The following ANXA7 variants were observed in gnomAD, a reference collection of about 807,000 sequenced individuals.
The protein encoded by ANXA7 is annexin VII.
A neutral mutation model predicts 64.9 loss-of-function variants in ANXA7; 55 were observed. The observed-to-expected ratio is 0.85, with a 90% confidence interval of 0.68 to 1.06. ANXA7 has a LOEUF of 1.06. Ranked by LOEUF, ANXA7 falls within the 50% of genes least tolerant of loss-of-function variation. The pLI, the probability that ANXA7 is intolerant of heterozygous loss-of-function variation, is 0.00. For missense variants in ANXA7, 548 were observed against 582.1 expected (o/e 0.94, Z 0.60); for synonymous variants, 200 against 192.4 (o/e 1.04, Z -0.33).
At chr10:73,378,852 TAAGAAATCAACATTGAACATC>T (rs1269979726) in intron 12 of ANXA7, 38 bp downstream of exon 12, 2 of 1,342,390 alleles carry the variant, frequency 1.5e-6, no homozygotes, top group Non-Finnish European at 2.1e-6. Context: ...GGGGAACTTT[TAAGAAATCAACATTGAACATC>T]AAGTAAGACC....
At chr10:73,384,115 C>T (rs1463259057) in intron 7 of ANXA7, among the ~76,000 whole-genome samples, 3 of 148,798 alleles carry the variant, frequency 2.0e-5, no homozygotes, top group Admixed American at 1.3e-4. Flanking sequence ...AGCAAGACTC[C>T]GTCTCAAAAA....
chr10:73,401,670 TTTG>T (rs1201035824), intron 1 of ANXA7, among the ~76,000 whole-genome samples: 2 of 152,146 alleles, frequency 1.3e-5, no homozygotes, highest in Non-Finnish European at 2.9e-5. Flanking sequence ...CGGCTAATTT[TTTG>T]TTATTTTTAG....
At chr10:73,377,634 G>C (rs2055195073) in intron 12 of ANXA7, 1 of 127,462 alleles carries the variant, frequency 7.8e-6, no homozygotes, top group African/African-American at 2.9e-5. Flanking sequence ...GTATTTTTTT[G>C]ACACAGGGTC....
At chr10:73,404,123 A>C (rs2055715628) in intron 1 of ANXA7, among the ~76,000 whole-genome samples, 1 of 152,226 alleles carries the variant, frequency 6.6e-6, no homozygotes, top group Admixed American at 6.5e-5. Context: ...CAATTTTATT[A>C]GACTTAGAAT....
intron 12 of ANXA7, among the ~76,000 whole-genome samples, chr10:73,378,151 G>T (rs2055215271): frequency 6.6e-6 from 1 of 151,672 alleles, no homozygotes; most frequent in Admixed American, 6.6e-5. Flanking sequence ...GAGGCAGGTG[G>T]ATCACTTGAG....
chr10:73,412,548 T>C (rs1317930806), intron 1 of ANXA7, among the ~76,000 whole-genome samples: 1 of 149,108 alleles, frequency 6.7e-6, no homozygotes, highest in Non-Finnish European at 1.5e-5. Flanking sequence ...CAGGCTGGAG[T>C]GCAGTGGCGA....
intron 11 of ANXA7, among the ~76,000 whole-genome samples, chr10:73,379,270 C>A (rs1015816723): frequency 6.6e-6 from 1 of 152,074 alleles, no homozygotes; most frequent in Admixed American, 6.5e-5. Flanking sequence ...CTCAGGTGAT[C>A]CTCCCACCTC....
chr10:73,404,535 G>T (rs2055721999), intron 1 of ANXA7, among the ~76,000 whole-genome samples: 1 of 152,138 alleles, frequency 6.6e-6, no homozygotes, highest in East Asian at 1.9e-4. Context: ...ATAATATGCA[G>T]GAATATTCTA....
Position 73,394,670 on chromosome 10 carries a change from T to G in ANXA7, c.435+1849A>C, listed in dbSNP as rs578095139. 8.1e-4 allele frequency among the ~76,000 whole-genome samples: 123 copies of G among 152,010 alleles called. 1 individual carries two copies. The highest frequency in any genetic ancestry group is 2.9e-3 in the African/African-American group (121 of 41,452). ...GTGGGAACTGAACAATGAGAACACT[T>G]GGACACAGGATGGGGAACATCACAC... On this transcript the variant is annotated intron_variant, in intron 5 of 12. Coordinates refer to ENST00000372921, the MANE Select transcript of ANXA7 (RefSeq NM_001156.5).
rs779847375 is a variant in ANXA7, at chr10:73,376,156, A to G, written c.1340T>C (p.Met447Thr). 6.8e-6 allele frequency: 11 copies of G among 1,609,836 alleles called. No homozygotes were observed. Among genetic ancestry groups the G allele is most frequent in the Non-Finnish European group, 9.3e-6 (11 of 1,178,096 alleles). Reference sequence around the variant, plus strand: ...ATCTCCACTCGTGTCACCTGCAATCATTGTGCCCAGAGTCTTCTGATACAT... The same window carrying G: ...ATCTCCACTCGTGTCACCTGCAATCGTTGTGCCCAGAGTCTTCTGATACAT... ...AQMYQKTLGT[M>T]IAGDTSGDYR... Residue 447 changes from methionine to threonine, a missense_variant, in exon 13 of 13, where the codon ATG becomes ACG. By Grantham distance (81) the Met-to-Thr change is moderately conservative. Transcript: ENST00000372921.
chr10:73,398,226 A>G lies in ANXA7; in HGVS notation c.214T>C (p.Tyr72His), dbSNP rs758619352. The change falls in exon 3 of 13, where the codon TAT becomes CAT. Residue 72 changes from tyrosine (Y) to histidine (H), a missense_variant. Coordinates refer to ENST00000372921, the MANE Select transcript of ANXA7 (RefSeq NM_001156.5). ...APGGYPAPGG[Y>H]PGAPQPGGAP... is the part of the protein sequence containing the mutation. ...CCCCCTGGCTGTGGGGCACCAGGAT[A>G]GCCTCCAGGGGCTGGATAACCTCCA... 1.9e-6 allele frequency: 3 copies of G among 1,613,934 alleles called. No individual in the cohort carries two copies. The highest frequency in any genetic ancestry group is 2.2e-5 in the East Asian group (1 of 44,882).
chr10:73,398,285 C>T lies in ANXA7; in HGVS notation c.155G>A (p.Ser52Asn). Residue 52 changes from serine to asparagine, a missense_variant, in exon 3 of 13, where the codon AGT becomes AAT. Physicochemically the swap from Ser to Asn is conservative, Grantham distance 46. Coordinates refer to ENST00000372921, the MANE Select transcript of ANXA7 (RefSeq NM_001156.5). ...GGGAYPQVPSSGYPGAGGYPA... is the reference protein window; with the variant it reads ...GGGAYPQVPSNGYPGAGGYPA... ...GTAGCCTCCAGCTCCTGGGTAGCCA[C>T]TACTTGGCACTTGTGGGTAGGCACC... 6.2e-7 allele frequency: 1 copy of T among 1,614,132 alleles called. No homozygotes were observed. The highest frequency in any genetic ancestry group is 8.5e-7 in the Non-Finnish European group (1 of 1,180,028).
intron 1 of ANXA7, among the ~76,000 whole-genome samples, chr10:73,410,781 C>CAAAAAAAA (rs536548150): frequency 1.7e-5 from 1 of 59,416 alleles, no homozygotes; most frequent in Non-Finnish European, 4.1e-5. Context: ...GACTCCATCT[C>CAAAAAAAA]AAAAAAAAAA....
Position 73,388,292 on chromosome 10 carries a change from C to T in ANXA7, c.538+20G>A, listed in dbSNP as rs778332281. The T allele has an allele frequency of 6.3e-7, 1 of 1,582,788 alleles. No individual in the cohort carries two copies. Among genetic ancestry groups the T allele is most frequent in the South Asian group, 1.1e-5 (1 of 90,302 alleles). On this transcript the variant is annotated intron_variant, in intron 6 of 12. Transcript: ENST00000372921. ...GATTACTTTAACTTATTAAAAAAGA[C>T]AAAAATTTGTTTTCCTTACCAAAAC... is the stretch of plus-strand genomic sequence containing the variant.
chr10:73,392,882 T>A (rs368575478), intron 5 of ANXA7, among the ~76,000 whole-genome samples: 1 of 152,072 alleles, frequency 6.6e-6, no homozygotes, highest in East Asian at 1.9e-4. Context: ...AAATAAAGGG[T>A]ATTCAATTAG....
rs778692902 is a variant in ANXA7 at position 73,383,272 on chromosome 10, A to T, written c.821T>A (p.Val274Asp). The T allele has an allele frequency of 6.2e-7, 1 of 1,614,136 alleles. No homozygotes were observed. Among genetic ancestry groups the T allele is most frequent in the Non-Finnish European group, 8.5e-7 (1 of 1,180,008 alleles). ...TCCAAATTCTGACTGATAACATCTGACAATTTCTCGGATTTCCTGATTTGT... is the reference window on the plus strand; with the variant it reads ...TCCAAATTCTGACTGATAACATCTGTCAATTTCTCGGATTTCCTGATTTGT... The part of the protein sequence containing the change: ...TRTNQEIREI[V>D]RCYQSEFGRD... Residue 274 changes from valine to aspartate, a missense_variant, in exon 9 of 13, where the codon GTC becomes GAC. Physicochemically the swap from Val to Asp is radical, Grantham distance 152. Transcript: ENST00000372921.
At chr10:73,395,783 T>C (rs1470641974) in intron 5 of ANXA7, 4 of 500,942 alleles carry the variant, frequency 8.0e-6, no homozygotes, top group South Asian at 1.7e-5. Context: ...TGAAACTCCA[T>C]CTCAAAAAAA....
At chr10:73,400,914 GTTTT>G in intron 1 of ANXA7, 57 bp from the exon 2 acceptor site, 3 of 1,499,760 alleles carry the variant, frequency 2.0e-6, no homozygotes, top group Non-Finnish European at 2.7e-6. Flanking sequence ...GTTTTGTTTT[GTTTT>G]GTTTTTTGAG....
chr10:73,385,389 AC>A (rs766140231), intron 7 of ANXA7, among the ~76,000 whole-genome samples: 19 of 152,230 alleles, frequency 1.2e-4, no homozygotes, highest in Non-Finnish European at 2.4e-4. Context: ...AAAGTCTTGG[AC>A]TTGAATGGTA....
Sources: gnomAD v4.1 joint callset for allele counts (sites outside exome capture counted in the v4.1 genomes callset) on GRCh38, gnomAD v4.1.1 for gene constraint, MANE v1.5 for transcripts, NCBI Gene and HGNC (gene_info 2026-07-23, HGNC 2026-07-21) for gene names.